The following AKT3 variants were observed in gnomAD, a reference collection of about 807,000 sequenced individuals.
The protein encoded by AKT3 is AKT serine/threonine kinase 3.
AKT3 carries 15 observed loss-of-function variants against 65.3 expected under a neutral mutation model. That is an observed-to-expected ratio of 0.23 (90% CI 0.15 to 0.35). The LOEUF is 0.35. Among genes scored for constraint, AKT3 ranks in the 10% least tolerant of loss-of-function variants. The pLI is 1.00. For missense variants in AKT3, 243 were observed against 576.5 expected, an observed-to-expected ratio of 0.42 and a Z score of 5.92; for synonymous variants, 206 against 183.8, an observed-to-expected ratio of 1.12 and a Z score of -0.98.
chr1:243,835,641 AT>A (rs1173213830), intron 2 of AKT3, among the ~76,000 whole-genome samples: 3 of 152,310 alleles, frequency 2.0e-5, no homozygotes, highest in Non-Finnish European at 4.4e-5. Flanking sequence ...ATCTGTTTAT[AT>A]AATGTGATTG....
intron 2 of AKT3, chr1:243,735,135 A>G (rs951446667): frequency 3.3e-5 from 5 of 152,206 alleles, no homozygotes; most frequent in Non-Finnish European, 7.3e-5. Flanking sequence ...AAGAAAATAA[A>G]GCAGAGAGAG....
rs1008768473 is a variant in AKT3 at position 243,672,386 on chromosome 1, A to G, written c.173-7503T>C. ...ATGGAAAAGTGATCTGCAGACTCACATCAATCCAGCTCCGCATTGCTAGTT... is the reference window on the plus strand; with the variant it reads ...ATGGAAAAGTGATCTGCAGACTCACGTCAATCCAGCTCCGCATTGCTAGTT... On this transcript the variant is annotated intron_variant, in intron 3 of 13. Transcript: ENST00000673466. Among the ~76,000 whole-genome samples, 3 of 152,244 alleles carry G rather than the reference A, an allele frequency of 2.0e-5. No individual in the cohort carries two copies. In the East Asian group the frequency reaches 5.8e-4, roughly 29 times the overall value.
At chr1:243,847,850 A>G (rs1695584822) in intron 1 of AKT3, among the ~76,000 whole-genome samples, 1 of 152,296 alleles carries the variant, frequency 6.6e-6, no homozygotes, top group Non-Finnish European at 1.5e-5. Context: ...TAAAAAGTCC[A>G]AAGCAAAACC....
chr1:243,819,828 G>A (rs1031118746), intron 2 of AKT3, among the ~76,000 whole-genome samples: 1 of 152,196 alleles, frequency 6.6e-6, no homozygotes, highest in Non-Finnish European at 1.5e-5. Context: ...AGCCCCCTCT[G>A]GTGACATCTC....
chr1:243,781,630 T>C (rs2148309890), intron 2 of AKT3, among the ~76,000 whole-genome samples: 1 of 152,332 alleles, frequency 6.6e-6, no homozygotes, highest in East Asian at 1.9e-4. Context: ...CACAATAATG[T>C]TGATGTTTGA....
chr1:243,727,888 G>C (rs937941241), intron 2 of AKT3, among the ~76,000 whole-genome samples: 1 of 152,094 alleles, frequency 6.6e-6, no homozygotes, highest in African/African-American at 2.4e-5. Context: ...TGATATTTAG[G>C]CATAGAGGGA....
intron 12 of AKT3, among the ~76,000 whole-genome samples, chr1:243,531,612 A>G (rs1189473537): frequency 1.3e-5 from 2 of 152,170 alleles, no homozygotes; most frequent in Non-Finnish European, 2.9e-5. Context: ...AGATTTATCA[A>G]TATTGATACT....
At chr1:243,846,783 C>G (rs932971571) in intron 1 of AKT3, among the ~76,000 whole-genome samples, 1 of 152,038 alleles carries the variant, frequency 6.6e-6, no homozygotes, top group African/African-American at 2.4e-5. Flanking sequence ...TAGGTACAAA[C>G]AAGAAAAACA....
intron 2 of AKT3, among the ~76,000 whole-genome samples, chr1:243,781,693 T>C (rs1261916676): frequency 4.6e-5 from 7 of 152,344 alleles, no homozygotes; most frequent in East Asian, 1.9e-4. Flanking sequence ...CTAATACCTT[T>C]AGTAAGTATC....
At chr1:243,795,146 T>C (rs975972820) in intron 2 of AKT3, among the ~76,000 whole-genome samples, 14 of 152,190 alleles carry the variant, frequency 9.2e-5, no homozygotes, top group Non-Finnish European at 1.8e-4. Flanking sequence ...TACTTTTTTT[T>C]TTTTTTAATG....
chr1:243,491,405 G>C (rs941344648), intron 13 of AKT3, among the ~76,000 whole-genome samples: 1 of 152,152 alleles, frequency 6.6e-6, no homozygotes, highest in East Asian at 1.9e-4. Flanking sequence ...TCTCTAAAGC[G>C]GCCTTTCAGA....
chr1:243,741,580 TGA>T (rs964605386), intron 2 of AKT3, among the ~76,000 whole-genome samples: 1 of 152,200 alleles, frequency 6.6e-6, no homozygotes, highest in African/African-American at 2.4e-5. Context: ...ATTAGGTCAA[TGA>T]GAGTGTTGCA....
At chr1:243,704,532 T>C (rs969308083) in intron 2 of AKT3, among the ~76,000 whole-genome samples, 4 of 152,160 alleles carry the variant, frequency 2.6e-5, no homozygotes, top group African/African-American at 9.7e-5. Flanking sequence ...CCCTATTCTT[T>C]GGCATTTCTA....
rs544873293 is a variant in AKT3 at position 243,787,634 on chromosome 1, TTG to T, written c.46+55489_46+55490del. On this transcript the variant is annotated intron_variant, in intron 2 of 13. Transcript: ENST00000673466. ...TTTTGTTTCCCTTGCAATTAATAAT[TTG>T]TTTCTCATTTCTTTAGTTTTCTACA... Among the ~76,000 whole-genome samples the T allele has an allele frequency of 8.5e-5, 13 of 152,328 alleles. 1 individual carries two copies. In the South Asian group the frequency reaches 2.5e-3, roughly 29 times the overall value.
At chr1:243,661,721 A>G (rs1401646265) in intron 4 of AKT3, among the ~76,000 whole-genome samples, 2 of 150,154 alleles carry the variant, frequency 1.3e-5, no homozygotes, top group South Asian at 2.1e-4. Context: ...TAATTAAACT[A>G]AAGAGCTTCT....
At chr1:243,571,865 C>G (rs994767325) in intron 9 of AKT3, among the ~76,000 whole-genome samples, 1 of 152,178 alleles carries the variant, frequency 6.6e-6, no homozygotes, top group African/African-American at 2.4e-5. Context: ...CATCTCTGAT[C>G]TAGATGTTTT....
At chr1:243,803,337 C>A (rs572425303) in intron 2 of AKT3, among the ~76,000 whole-genome samples, 1 of 151,996 alleles carries the variant, frequency 6.6e-6, no homozygotes, top group South Asian at 2.1e-4. Context: ...AAGGAGAAAT[C>A]CAGGTTGGTG....
intron 4 of AKT3, 116 bp from the exon 5 acceptor site, chr1:243,646,153 C>G (rs1680790013): frequency 1.2e-6 from 1 of 860,456 alleles, no homozygotes; most frequent in Non-Finnish European, 1.7e-6. Flanking sequence ...CAAACACACT[C>G]AACACAGATA....
chr1:243,593,398 C>G (rs968684725), intron 8 of AKT3, among the ~76,000 whole-genome samples: 37 of 152,060 alleles, frequency 2.4e-4, no homozygotes, highest in African/African-American at 8.9e-4. Context: ...ATCAAATGTA[C>G]AAACTAAAAA....
Sources: allele counts gnomAD v4.1 joint callset (sites outside exome capture counted in the v4.1 genomes callset), GRCh38; gene constraint gnomAD v4.1.1; transcripts MANE v1.5; gene names NCBI Gene and HGNC (gene_info 2026-07-23, HGNC 2026-07-21).